The following WDR81 variants were observed in gnomAD, a reference collection of about 807,000 sequenced individuals.
WDR81 encodes the protein WD repeat-containing protein 81.
Under a neutral mutation model 140.8 loss-of-function variants are expected in WDR81, and 92 were observed. The observed-to-expected ratio is 0.65, with a 90% CI of 0.55 to 0.78. WDR81 has a LOEUF of 0.78. Ranked by LOEUF, WDR81 falls within the 30% of genes least tolerant of loss-of-function variation. WDR81 has a pLI of 0.00. For synonymous variants in WDR81, 1,183 were observed against 1,156.4 expected, an observed-to-expected ratio of 1.02 and a Z score of -0.47; for missense variants, 2,502 against 2,636.4, an observed-to-expected ratio of 0.95 and a Z score of 1.12.
chr17:1,728,337 C>T lies in WDR81; in HGVS notation c.3378C>T (p.Asp1126=), dbSNP rs200728574. 12 of 1,612,776 alleles carry T rather than the reference C, an allele frequency of 7.4e-6. No individual in the cohort carries two copies. The highest frequency in any genetic ancestry group is 1.6e-4 in the Middle Eastern group (1 of 6,082). The change falls in exon 1 of 10, where the codon GAC becomes GAT. Residue 1126 remains aspartate (D), a synonymous_variant. Transcript: ENST00000409644. ...CCCTGGGTGAGGAGCGGGCTCCAGACGAGGGGGGTGCCCCCGTGGACAAGA... is the reference window on the plus strand; with the variant it reads ...CCCTGGGTGAGGAGCGGGCTCCAGATGAGGGGGGTGCCCCCGTGGACAAGA... ...ETSLGEERAP[D]EGGAPVDKSS...
In WDR81 at chr17:1,732,696, G is replaced by A. The variant is rs374669949; in HGVS notation, c.4354G>A (p.Glu1452Lys). Reference protein sequence around the residue: ...DLKLDPAGRGEGQLPQVVFSD... With the variant: ...DLKLDPAGRGKGQLPQVVFSD... ...GAAGCTGGACCCTGCGGGCCGTGGTGAGGGCCAGCTGCCACAGGTGGTCTT... is the reference window on the plus strand; with the variant it reads ...GAAGCTGGACCCTGCGGGCCGTGGTAAGGGCCAGCTGCCACAGGTGGTCTT... The change falls in exon 6 of 10, where the codon GAG becomes AAG. Residue 1452 changes from glutamate (E) to lysine (K), a missense_variant. Coordinates refer to ENST00000409644, the MANE Select transcript of WDR81 (RefSeq NM_001163809.2). The A allele has an allele frequency of 1.1e-5, 17 of 1,610,834 alleles. No homozygotes were observed. In the African/African-American group the frequency reaches 1.9e-4, roughly 18 times the overall value.
At chr17:1,718,411 C>T (rs1914703298) in intron 1 of WDR81, among the ~76,000 whole-genome samples, 1 of 152,266 alleles carries the variant, frequency 6.6e-6, no homozygotes, top group South Asian at 2.1e-4. Flanking sequence ...TGAGCCACCG[C>T]GCCCGGCCGC....
chr17:1,727,815 A>C lies in WDR81; in HGVS notation c.2856A>C (p.Ala952=), dbSNP rs1240845308. The C allele has an allele frequency of 1.2e-5, 19 of 1,550,492 alleles. No individual in the cohort carries two copies. Among genetic ancestry groups the C allele is most frequent in the Middle Eastern group, 3.3e-4 (2 of 6,014 alleles). ...ATCTGTTTGAGCCTGTTGCCAAGGCACTGGGCCCCAAAAATGCCAATAAGT... is the reference window on the plus strand; with the variant it reads ...ATCTGTTTGAGCCTGTTGCCAAGGCCCTGGGCCCCAAAAATGCCAATAAGT... ...AWYLFEPVAK[A]LGPKNANKYL... The change falls in exon 1 of 10, where the codon GCA becomes GCC. Residue 952 remains alanine, a synonymous_variant. Coordinates refer to ENST00000409644, the MANE Select transcript of WDR81 (RefSeq NM_001163809.2).
chr17:1,734,240 G>A (rs375880028), intron 7 of WDR81, 24 bp downstream of exon 7: 1 of 1,534,652 alleles, frequency 6.5e-7, no homozygotes, highest in Admixed American at 1.9e-5. Flanking sequence ...GGTGAGGCCT[G>A]TTCTCTTCCT....
Position 1,731,133 on chromosome 17 carries a change from C to A in WDR81, c.4032C>A (p.Ala1344=). 6.2e-7 allele frequency: 1 copy of A among 1,613,272 alleles called. No homozygotes were observed. Among genetic ancestry groups the A allele is most frequent in the Non-Finnish European group, 8.5e-7 (1 of 1,180,000 alleles). ...GCCGTAAGGAGGCGGGGCTGCTGGC[C>A]GCGGTGACGCTGACTCAGAAGATCA... ...LNSRKEAGLL[A]AVTLTQKIIV... is the part of the protein sequence containing the mutation. The change falls in exon 4 of 10, where the codon GCC becomes GCA. Residue 1344 remains alanine, a synonymous_variant. Transcript: ENST00000409644.
At position 1,733,751 on chromosome 17, in the gene WDR81, A is replaced by G; in HGVS notation, c.4714A>G (p.Asn1572Asp). The G allele has an allele frequency of 1.9e-6, 3 of 1,612,428 alleles. No homozygotes were observed. Among genetic ancestry groups the G allele is most frequent in the South Asian group, 1.1e-5 (1 of 91,078 alleles). Residue 1572 changes from asparagine to aspartate, a missense_variant, in exon 7 of 10, where the codon AAT (asparagine) becomes GAT (aspartate). Around this residue, in one of 3 missense-constraint regions of WDR81, gnomAD observed 1,737 missense variants for 1,843.0 expected, o/e 0.94. Coordinates refer to ENST00000409644, the MANE Select transcript of WDR81 (RefSeq NM_001163809.2). Reference sequence around the variant, plus strand: ...GGTGGGGAACCGCATTCAGATCCCCAATGACTCTCGGCCTGAGAACCCCGG... The same window carrying G: ...GGTGGGGAACCGCATTCAGATCCCCGATGACTCTCGGCCTGAGAACCCCGG... ...VLVGNRIQIP[N>D]DSRPENPGPL... is the part of the protein sequence containing the mutation.
rs756762731 is a variant in WDR81 at position 1,727,235 on chromosome 17, C to T, written c.2276C>T (p.Pro759Leu). The T allele has an allele frequency of 1.5e-5, 23 of 1,550,224 alleles. No individual in the cohort carries two copies. In the East Asian group the frequency reaches 1.7e-4, roughly 12 times the overall value. ...GTGCCTGAGCAGCCCCGGGTCCAGC[C>T]GGCTGTGCCACTGCAGTGCCTACTC... is the stretch of plus-strand genomic sequence containing the variant. ...LEVPEQPRVQ[P>L]AVPLQCLLHR... Residue 759 changes from proline (P) to leucine (L), a missense_variant, in exon 1 of 10, where the codon CCG becomes CTG. Physicochemically the swap from Pro to Leu is moderately conservative, Grantham distance 98 (BLOSUM62 -3). Around this residue, in one of 3 missense-constraint regions of WDR81, gnomAD observed 1,737 missense variants for 1,843.0 expected, o/e 0.94. Coordinates refer to ENST00000409644, the MANE Select transcript of WDR81 (RefSeq NM_001163809.2).
Position 1,736,041 on chromosome 17 carries a change from C to G in WDR81, c.5328C>G (p.His1776Gln). 6.3e-7 allele frequency: 1 copy of G among 1,593,802 alleles called. No homozygotes were observed. Among genetic ancestry groups the G allele is most frequent in the Non-Finnish European group, 8.5e-7 (1 of 1,176,018 alleles). The change falls in exon 9 of 10, where the codon CAC (histidine) becomes CAG (glutamine). Residue 1776 changes from histidine (H) to glutamine (Q), a missense_variant and splice_region_variant. This residue lies in a region of WDR81 where 1,737 missense variants were observed against 1,843.0 expected (regional missense o/e 0.94). Coordinates refer to ENST00000409644, the MANE Select transcript of WDR81 (RefSeq NM_001163809.2). ...FVDCRKPGLQ[H>Q]EFRLGGGLNP... is the part of the protein sequence containing the mutation. ...GCTCAGCCGCCCTCTCCCTGCAGCA[C>G]GAGTTCCGACTGGGCGGTGGGCTGA...
At chr17:1,736,479 C>T (rs1290601890) in intron 9 of WDR81, among the ~76,000 whole-genome samples, 1 of 152,206 alleles carries the variant, frequency 6.6e-6, no homozygotes, top group Non-Finnish European at 1.5e-5. Flanking sequence ...AGGGCTGACC[C>T]TGTTGCTCAT....
In WDR81 at chr17:1,726,773, TC is replaced by T; in HGVS notation, c.1818del (p.Lys607SerfsTer32). The T allele has an allele frequency of 6.5e-7, 1 of 1,548,182 alleles. No individual in the cohort carries two copies. The highest frequency in any genetic ancestry group is 8.7e-7 in the Non-Finnish European group (1 of 1,146,626). Reference sequence around the variant, plus strand: ...GCCCTTGCCCCCGAGCCTCCCCTCATCCCCAAGCTGTTGGTCCAGACCATCC... The same window carrying T: ...GCCCTTGCCCCCGAGCCTCCCCTCATCCCAAGCTGTTGGTCCAGACCATCC... Reference protein sequence around the residue: ...APALAPEPPLIPKLLVQTIQE... With the variant: ...APALAPEPPLXPKLLVQTIQE... On this transcript the variant is annotated frameshift_variant, in exon 1 of 10. Coordinates refer to ENST00000409644, the MANE Select transcript of WDR81 (RefSeq NM_001163809.2). LOFTEE classifies it high-confidence loss of function.
In WDR81 at chr17:1,736,048, C is replaced by G; in HGVS notation, c.5335C>G (p.Arg1779Gly). ...CRKPGLQHEF[R>G]LGGGLNPGLV... ...CGCCCTCTCCCTGCAGCACGAGTTC[C>G]GACTGGGCGGTGGGCTGAACCCTGG... is the stretch of plus-strand genomic sequence containing the variant. Residue 1779 changes from arginine to glycine, a missense_variant, in exon 9 of 10, where the codon CGA (arginine) becomes GGA (glycine). Arg to Gly is a moderately radical substitution (Grantham distance 125). Transcript: ENST00000409644. 6.3e-7 allele frequency: 1 copy of G among 1,597,356 alleles called. No individual in the cohort carries two copies.
rs1246638385 is a variant in WDR81 at position 1,735,057 on chromosome 17, G to T, written c.5180-515G>T. On this transcript the variant is annotated intron_variant, in intron 7 of 9. Transcript: ENST00000409644. This position sits in a 1 kb window ranked among gnomAD's most constrained non-coding sequence, Gnocchi z 4.2. ...TCTTTAGGCCGATGCAGTGGCTCAC[G>T]CCTGTAATCTCAGCACTCTGGGAGG... Among the ~76,000 whole-genome samples, 1 of 152,086 alleles carries T rather than the reference G, an allele frequency of 6.6e-6. No homozygotes were observed. The highest frequency in any genetic ancestry group is 6.6e-5 in the Admixed American group (1 of 15,266).
Position 1,726,360 on chromosome 17 carries a change from C to T in WDR81, c.1401C>T (p.Val467=), listed in dbSNP as rs1227333736. The T allele has an allele frequency of 6.5e-7, 1 of 1,548,684 alleles. No homozygotes were observed. Among genetic ancestry groups the T allele is most frequent in the Non-Finnish European group, 8.7e-7 (1 of 1,146,022 alleles). The part of the protein sequence containing the change: ...RTPRSVLCGH[V]RAQWEPHEYP... Reference sequence around the variant, plus strand: ...CTCGGTCGGTGCTCTGCGGACACGTCCGCGCGCAGTGGGAGCCCCATGAGT... The same window carrying T: ...CTCGGTCGGTGCTCTGCGGACACGTTCGCGCGCAGTGGGAGCCCCATGAGT... The change falls in exon 1 of 10, where the codon GTC becomes GTT. Residue 467 remains valine, a synonymous_variant. Coordinates refer to ENST00000409644, the MANE Select transcript of WDR81 (RefSeq NM_001163809.2).
chr17:1,724,189 C>T (rs1915050396), upstream of WDR81, among the ~76,000 whole-genome samples: 1 of 151,940 alleles, frequency 6.6e-6, no homozygotes, highest in South Asian at 2.1e-4. Context: ...AAGGCGAAAC[C>T]CCATCTCTAC....
chr17:1,733,431 TC>T, intron 6 of WDR81, 95 bp from the exon 7 acceptor site: 1 of 1,284,346 alleles, frequency 7.8e-7, no homozygotes, highest in South Asian at 1.5e-5. Context: ...CAGAGCCAGT[TC>T]CTGCCCCATC....
At position 1,728,163 on chromosome 17, in the gene WDR81, G is replaced by A. The variant is rs748473914; in HGVS notation, c.3204G>A (p.Thr1068=). The A allele has an allele frequency of 1.4e-5, 22 of 1,606,022 alleles. No homozygotes were observed. The highest frequency in any genetic ancestry group is 1.2e-4 in the African/African-American group (9 of 74,760). Residue 1068 remains threonine, a synonymous_variant, in exon 1 of 10, where the codon ACG becomes ACA. Coordinates refer to ENST00000409644, the MANE Select transcript of WDR81 (RefSeq NM_001163809.2). ...ASSGLGLPDY[T]SGVSFHDQAD... The stretch of plus-strand genomic sequence containing the variant: ...CGGGCCTGGGGCTCCCAGACTACAC[G>A]TCTGGCGTCAGCTTCCACGACCAGG...
Position 1,726,294 on chromosome 17 carries a change from C to T in WDR81, c.1335C>T (p.Leu445=), listed in dbSNP as rs1355541257. 2.6e-6 allele frequency: 4 copies of T among 1,542,720 alleles called. No homozygotes were observed. In the South Asian group the frequency reaches 4.8e-5, roughly 19 times the overall value. Residue 445 remains leucine (L), a synonymous_variant, in exon 1 of 10, where the codon CTC becomes CTT. Transcript: ENST00000409644. The stretch of plus-strand genomic sequence containing the variant: ...TTCCCCACCACATCTCAGACGTGCT[C>T]TCCGACATCACGTACTATGTGTACA... ...PHVPHHISDV[L]SDITYYVYKA...
rs1428213682 is a variant in WDR81 at position 1,738,072 on chromosome 17, C to A, written c.*387C>A. ...CCGGTCTCTAGCCCCTCAGCCCCCG[C>A]TGGGCACTCTCTGTCCCATCCCTCT... is the stretch of plus-strand genomic sequence containing the variant. On this transcript the variant is annotated 3_prime_UTR_variant, in exon 10 of 10. Coordinates refer to ENST00000409644, the MANE Select transcript of WDR81 (RefSeq NM_001163809.2). The A allele has an allele frequency of 1.3e-5, 4 of 301,408 alleles. No individual in the cohort carries two copies. The highest frequency in any genetic ancestry group is 4.9e-5 in the Admixed American group (1 of 20,476). The allele number at this position is 301,408 out of a possible 1,614,324, so 18.7% of individuals were successfully genotyped here.
upstream of WDR81, among the ~76,000 whole-genome samples, chr17:1,721,921 T>C (rs11652502): frequency 0.75 from 113,783 of 151,690 alleles, 42,746 homozygotes; most frequent in East Asian, 0.85. Flanking sequence ...GTCGGGAGTT[T>C]GAGACCAGCC....
Sources: gnomAD v4.1 joint callset for allele counts (sites outside exome capture counted in the v4.1 genomes callset) on GRCh38, gnomAD v4.1.1 for gene constraint, gnomAD v4.1.1 regional missense constraint, Gnocchi (gnomAD v3.1) non-coding constraint, MANE v1.5 for transcripts, NCBI Gene and HGNC (gene_info 2026-07-23, HGNC 2026-07-21) for gene names.